Variants in NAALADL2 observed in about 807,000 individuals in gnomAD.
NAALADL2 encodes inactive N-acetylated-alpha-linked acidic dipeptidase-like protein 2.
NAALADL2 carries 76 observed loss-of-function variants against 87.2 expected under a neutral mutation model. That is an observed-to-expected ratio of 0.87 (90% CI 0.72 to 1.05). NAALADL2 has a LOEUF of 1.05. Ranked by LOEUF, NAALADL2 falls within the 50% of genes least tolerant of loss-of-function variation. NAALADL2 has a pLI of 0.00. For missense variants in NAALADL2, 1,089 were observed against 945.8 expected, an observed-to-expected ratio of 1.15 and a Z score of -1.99; for synonymous variants, 354 against 331.0, an observed-to-expected ratio of 1.07 and a Z score of -0.75.
At chr3:175,793,512 A>T (rs1753077025) in intron 13 of NAALADL2, among the ~76,000 whole-genome samples, 2 of 151,170 alleles carry the variant, frequency 1.3e-5, no homozygotes, top group South Asian at 2.1e-4. Flanking sequence ...AGACGGGGTT[A>T]CACCGTGTTA....
rs1450966475 is a variant in NAALADL2, at chr3:175,579,786, G to T, written c.1800+3599G>T. Among the ~76,000 whole-genome samples the T allele has an allele frequency of 2.0e-5, 3 of 152,138 alleles. No homozygotes were observed. The East Asian group carries it at 5.8e-4, about 29-fold the overall frequency. On this transcript the variant is annotated intron_variant, in intron 10 of 13. Transcript: ENST00000454872. ...ATTTATGGCAGTCTGGTGATCCAAT[G>T]CACATTTCCTCTGTCACTTAACAGC...
intron 13 of NAALADL2, among the ~76,000 whole-genome samples, chr3:175,770,617 T>C: frequency 6.6e-6 from 1 of 152,194 alleles, no homozygotes; most frequent in East Asian, 1.9e-4. Flanking sequence ...GCCAAATATT[T>C]CTGGAAGGGA....
chr3:174,655,353 A>G (rs1165368040), intron 2 of NAALADL2, among the ~76,000 whole-genome samples: 1 of 150,322 alleles, frequency 6.7e-6, no homozygotes, highest in Non-Finnish European at 1.5e-5. Context: ...TTCATGTGAT[A>G]CTAAAGAAGA....
intron 5 of NAALADL2, among the ~76,000 whole-genome samples, chr3:175,437,703 C>G (rs1560548952): frequency 1.3e-5 from 2 of 151,690 alleles, no homozygotes; most frequent in African/African-American, 4.8e-5. Context: ...TCAAACTATA[C>G]TACAAGGCTA....
intron 1 of NAALADL2, among the ~76,000 whole-genome samples, chr3:174,987,591 AAAAAAAAC>A (rs1746090529): frequency 2.1e-5 from 3 of 140,646 alleles, no homozygotes; most frequent in African/African-American, 5.7e-5. Flanking sequence ...AAAAAAAAAA[AAAAAAAAC>A]AATACTCATC....
chr3:175,031,309 A>G (rs560634604), intron 1 of NAALADL2, among the ~76,000 whole-genome samples: 8 of 151,940 alleles, frequency 5.3e-5, no homozygotes, highest in African/African-American at 1.7e-4. Context: ...CCCAGTGTCT[A>G]TTGTTCCCAT....
chr3:174,639,427 T>C (rs1235800656), intron 2 of NAALADL2, among the ~76,000 whole-genome samples: 1 of 152,174 alleles, frequency 6.6e-6, no homozygotes, highest in East Asian at 1.9e-4. Flanking sequence ...TTGCGCAACT[T>C]TGTGCAGAGT....
chr3:175,496,013 C>T, intron 9 of NAALADL2, among the ~76,000 whole-genome samples: 1 of 152,090 alleles, frequency 6.6e-6, no homozygotes. Context: ...TATTCAAGTG[C>T]CATCTACTCT....
intron 11 of NAALADL2, among the ~76,000 whole-genome samples, chr3:175,693,329 T>A (rs184883813): frequency 5.9e-5 from 9 of 152,300 alleles, no homozygotes; most frequent in Admixed American, 5.9e-4. Flanking sequence ...TAAATTGTGT[T>A]ATTAATTTAT....
At chr3:174,702,307 A>G (rs1468760780) in intron 2 of NAALADL2, among the ~76,000 whole-genome samples, 2 of 152,168 alleles carry the variant, frequency 1.3e-5, no homozygotes, top group African/African-American at 2.4e-5. Flanking sequence ...ATAAAAGAAT[A>G]ATCTTTTTTA....
At chr3:174,791,103 A>G (rs1483707746) in intron 3 of NAALADL2, among the ~76,000 whole-genome samples, 1 of 152,194 alleles carries the variant, frequency 6.6e-6, no homozygotes, top group African/African-American at 2.4e-5. Flanking sequence ...AATACTTAAC[A>G]AGTTTCTGAA....
At chr3:174,561,366 A>T (rs1183032897) in intron 2 of NAALADL2, among the ~76,000 whole-genome samples, 13 of 151,490 alleles carry the variant, frequency 8.6e-5, no homozygotes, top group Non-Finnish European at 2.9e-5. Flanking sequence ...TGCCCAGCTA[A>T]TTTTTTTGTA....
At chr3:175,182,363 G>T (rs1736690815) in intron 2 of NAALADL2, among the ~76,000 whole-genome samples, 2 of 151,458 alleles carry the variant, frequency 1.3e-5, no homozygotes, top group Admixed American at 1.3e-4. Flanking sequence ...TCTATTAATT[G>T]TTTCTTTTTT....
At chr3:174,877,339 T>A (rs1234565622) in intron 1 of NAALADL2, among the ~76,000 whole-genome samples, 1 of 152,108 alleles carries the variant, frequency 6.6e-6, no homozygotes, top group East Asian at 1.9e-4. Flanking sequence ...CAGTGTATCC[T>A]TAGGGATTAA....
intron 10 of NAALADL2, among the ~76,000 whole-genome samples, chr3:175,602,426 AAT>A (rs1289640008): frequency 6.6e-6 from 1 of 151,166 alleles, no homozygotes. Flanking sequence ...ATGTAAACAT[AAT>A]ATGTTATGTA....
At chr3:175,655,075 T>G (rs1218432597) in intron 11 of NAALADL2, among the ~76,000 whole-genome samples, 1 of 152,130 alleles carries the variant, frequency 6.6e-6, no homozygotes. Flanking sequence ...TAGGATAGTA[T>G]GAATTACAGT....
At chr3:174,952,714 A>G (rs1223154135) in intron 1 of NAALADL2, among the ~76,000 whole-genome samples, 2 of 152,070 alleles carry the variant, frequency 1.3e-5, no homozygotes, top group African/African-American at 4.8e-5. Context: ...ATTGGAGTCT[A>G]TGGTGTTGCT....
chr3:175,414,556 G>C (rs12635951), intron 5 of NAALADL2, among the ~76,000 whole-genome samples: 27,540 of 151,948 alleles, frequency 0.18, 3,612 homozygotes, highest in African/African-American at 0.36. Context: ...AATGATTTTC[G>C]AAAACGTAAA....
intron 10 of NAALADL2, among the ~76,000 whole-genome samples, chr3:175,614,066 T>A (rs1475393806): frequency 6.6e-6 from 1 of 152,148 alleles, no homozygotes; most frequent in East Asian, 1.9e-4. Context: ...TCTTTTCTTT[T>A]TCCCAAGACG....
Sources: allele counts gnomAD v4.1 joint callset (sites outside exome capture counted in the v4.1 genomes callset), GRCh38; gene constraint gnomAD v4.1.1; transcripts MANE v1.5; gene names NCBI Gene and HGNC (gene_info 2026-07-23, HGNC 2026-07-21).